Variants in BORCS5 observed in about 807,000 individuals in gnomAD.
BORCS5 encodes BLOC-1 related complex subunit 5, also known as BLOC-1-related complex subunit 5.
BORCS5 carries 17 observed loss-of-function variants against 22.1 expected under a neutral mutation model. The ratio of observed to expected loss-of-function variants is 0.77; its 90% CI spans 0.53 to 1.15. The LOEUF is 1.15. Ranked by LOEUF, BORCS5 falls within the 50% of genes most tolerant of loss-of-function variation. BORCS5 has a pLI of 0.00. For synonymous variants in BORCS5, 117 were observed against 99.8 expected (o/e 1.17, Z -1.03); for missense variants, 247 against 253.2 (o/e 0.98, Z 0.17).
intron 2 of BORCS5, among the ~76,000 whole-genome samples, chr12:12,427,415 T>C (rs530531136): frequency 6.6e-6 from 1 of 152,092 alleles, no homozygotes; most frequent in African/African-American, 2.4e-5. Context: ...ATCCTGACCT[T>C]GTGATGGGCC....
intron 3 of BORCS5, among the ~76,000 whole-genome samples, chr12:12,456,524 A>G (rs1943000923): frequency 1.3e-5 from 2 of 152,226 alleles, no homozygotes; most frequent in African/African-American, 2.4e-5. Flanking sequence ...TTATATAACA[A>G]AAGTTTTTGA....
intron 2 of BORCS5, among the ~76,000 whole-genome samples, chr12:12,368,094 A>G (rs903296082): frequency 4.6e-5 from 7 of 152,126 alleles, no homozygotes; most frequent in South Asian, 2.1e-4. Flanking sequence ...ACAGGCTCTC[A>G]TATACATAAC....
chr12:12,433,397 G>C (rs956472628), intron 2 of BORCS5, among the ~76,000 whole-genome samples: 1 of 151,222 alleles, frequency 6.6e-6, no homozygotes, highest in Admixed American at 6.6e-5. Context: ...CCAGCTACTT[G>C]GGAAGCCAAG....
At chr12:12,464,683 A>C (rs973513977) in intron 3 of BORCS5, among the ~76,000 whole-genome samples, 6 of 151,988 alleles carry the variant, frequency 3.9e-5, no homozygotes, top group Non-Finnish European at 8.8e-5. Flanking sequence ...CTCTCTCTCT[A>C]TTTTTATCTG....
chr12:12,405,645 T>G (rs1160299085), intron 2 of BORCS5, among the ~76,000 whole-genome samples: 1 of 152,246 alleles, frequency 6.6e-6, no homozygotes, highest in African/African-American at 2.4e-5. Context: ...ATTATTTTTC[T>G]TATTCTTGAA....
intron 3 of BORCS5, among the ~76,000 whole-genome samples, chr12:12,461,481 A>T (rs1306958514): frequency 6.6e-6 from 1 of 152,024 alleles, no homozygotes; most frequent in South Asian, 2.1e-4. Flanking sequence ...CAGCATTCCT[A>T]TCTGTCAGTA....
chr12:12,454,757 T>C (rs932495742), intron 3 of BORCS5, among the ~76,000 whole-genome samples: 2 of 152,224 alleles, frequency 1.3e-5, no homozygotes, highest in African/African-American at 4.8e-5. Flanking sequence ...AACATACATG[T>C]TTATAGCAGT....
At chr12:12,443,043 T>A (rs1942715916) in intron 3 of BORCS5, among the ~76,000 whole-genome samples, 5 of 152,242 alleles carry the variant, frequency 3.3e-5, no homozygotes, top group Non-Finnish European at 7.3e-5. Context: ...GAACTGGCAT[T>A]AGCATTCACT....
chr12:12,408,093 A>G (rs957941631), intron 2 of BORCS5, among the ~76,000 whole-genome samples: 5 of 152,020 alleles, frequency 3.3e-5, no homozygotes, highest in South Asian at 4.1e-4. Flanking sequence ...GTTTACCACA[A>G]TTTTTTCAGG....
intron 3 of BORCS5, among the ~76,000 whole-genome samples, chr12:12,440,288 C>T (rs1403268790): frequency 6.6e-6 from 1 of 152,198 alleles, no homozygotes; most frequent in African/African-American, 2.4e-5. Context: ...AGGTAATTTA[C>T]TTTGCAATCA....
chr12:12,369,712 C>CTTTTTT (rs71061052), intron 2 of BORCS5, among the ~76,000 whole-genome samples: 601 of 42,960 alleles, frequency 0.014, 115 homozygotes, highest in African/African-American at 0.042. Flanking sequence ...CCCCCCACTT[C>CTTTTTT]TTTTTTTTTT....
intron 2 of BORCS5, among the ~76,000 whole-genome samples, chr12:12,417,897 C>T (rs1476682995): frequency 6.6e-6 from 1 of 152,096 alleles, no homozygotes; most frequent in Non-Finnish European, 1.5e-5. Context: ...CTGCCTTAGC[C>T]TCTCACAGTG....
intron 3 of BORCS5, among the ~76,000 whole-genome samples, chr12:12,454,116 C>G (rs1431903642): frequency 1.3e-5 from 2 of 152,182 alleles, no homozygotes; most frequent in Non-Finnish European, 2.9e-5. Flanking sequence ...TACTTTTTGC[C>G]TATTATGAAT....
At chr12:12,391,356 CT>C (rs1941178472) in intron 2 of BORCS5, among the ~76,000 whole-genome samples, 1 of 151,332 alleles carries the variant, frequency 6.6e-6, no homozygotes, top group Non-Finnish European at 1.5e-5. Flanking sequence ...GACAGAATAT[CT>C]GACACAATGG....
rs56325045 is a variant in BORCS5 at position 12,466,302 on chromosome 12, G to A, written c.*526G>A. On this transcript the variant is annotated 3_prime_UTR_variant, in exon 4 of 4. Transcript: ENST00000314565. The stretch of plus-strand genomic sequence containing the variant: ...GTCACACCAAGCCCTTATCTGGGGC[G>A]CGTCTTCCTGCCCAGGTGGAACACT... 9,759 of 152,278 alleles carry A rather than the reference G, an allele frequency of 0.064. 408 individuals carry two copies. Among genetic ancestry groups the A allele is most frequent in the Non-Finnish European group, 0.09 (6,126 of 68,094 alleles). 9.4% of individuals were successfully genotyped at this position (152,278 alleles called of 1,614,324 possible). A position where few individuals can be genotyped will look rare whatever the true frequency, so the allele number is the denominator to read the frequency against.
chr12:12,376,770 TAATTA>T (rs1863664030), intron 2 of BORCS5, among the ~76,000 whole-genome samples: 1 of 152,198 alleles, frequency 6.6e-6, no homozygotes, highest in Admixed American at 6.5e-5. Flanking sequence ...TTTAGTGTAG[TAATTA>T]AATTTATAGC....
chr12:12,380,648 G>A (rs1398110094), intron 2 of BORCS5, among the ~76,000 whole-genome samples: 1 of 151,530 alleles, frequency 6.6e-6, no homozygotes, highest in East Asian at 1.9e-4. Flanking sequence ...AACGGAATTG[G>A]TAGGTTGTAT....
intron 2 of BORCS5, among the ~76,000 whole-genome samples, chr12:12,409,026 A>G (rs1941654092): frequency 6.6e-6 from 1 of 152,126 alleles, no homozygotes; most frequent in South Asian, 2.1e-4. Flanking sequence ...CCCTTTCGCC[A>G]GCGGCTATGC....
intron 3 of BORCS5, among the ~76,000 whole-genome samples, chr12:12,442,274 T>G (rs981377129): frequency 4.6e-5 from 7 of 152,198 alleles, no homozygotes; most frequent in Non-Finnish European, 1.0e-4. Context: ...GGAGCTTCTC[T>G]TGTCACTGCC....
Sources: gnomAD v4.1 joint callset for allele counts (sites outside exome capture counted in the v4.1 genomes callset) on GRCh38, gnomAD v4.1.1 for gene constraint, MANE v1.5 for transcripts, NCBI Gene and HGNC (gene_info 2026-07-23, HGNC 2026-07-21) for gene names.